Variants in TRIM5 observed in about 807,000 individuals in gnomAD.
TRIM5 encodes tripartite motif-containing protein 5.
TRIM5 carries 31 observed loss-of-function variants against 35.6 expected under a neutral mutation model. The observed-to-expected ratio is 0.87, with a 90% CI of 0.65 to 1.18. The LOEUF (loss-of-function observed/expected upper bound fraction) is 1.18, where lower values mean the gene tolerates loss of function less well. Ranked by LOEUF, TRIM5 falls within the 50% of genes most tolerant of loss-of-function variation. The pLI is 0.00. For synonymous variants in TRIM5, 243 were observed against 215.6 expected (o/e 1.13, Z -1.11); for missense variants, 609 against 591.6 (o/e 1.03, Z -0.31).
the TRIM5 span, among the ~76,000 whole-genome samples, chr11:5,591,899 G>A: frequency 6.6e-6 from 1 of 152,140 alleles, no homozygotes; most frequent in African/African-American, 2.4e-5. Flanking sequence ...TAGCCCCGGG[G>A]GGCTGTGGCA....
the TRIM5 span, among the ~76,000 whole-genome samples, chr11:5,605,797 A>G: frequency 6.6e-6 from 1 of 152,250 alleles, no homozygotes; most frequent in Non-Finnish European, 1.5e-5. Flanking sequence ...AGGGTTGTCT[A>G]AAAGTTTATT....
In TRIM5 at chr11:5,678,335, T is replaced by C; in HGVS notation, c.613A>G (p.Lys205Glu). The change falls in exon 4 of 8, where the codon AAG (lysine) becomes GAG (glutamate). Residue 205 changes from lysine (K) to glutamate (E), a missense_variant. Coordinates refer to ENST00000380034, the MANE Select transcript of TRIM5 (RefSeq NM_033034.3). ...EESNELQNLE[K>E]EEEDILKSLT... is the part of the protein sequence containing the mutation. ...CTTTTCAGAATGTCTTCCTCCTCCT[T>C]CTCCAGGTTTTGCAGCTCATTGCTC... 1 of 1,613,948 alleles carries C rather than the reference T, an allele frequency of 6.2e-7. No homozygotes were observed. The highest frequency in any genetic ancestry group is 8.5e-7 in the Non-Finnish European group (1 of 1,179,892).
the TRIM5 span, among the ~76,000 whole-genome samples, chr11:5,657,769 C>G: frequency 7.0e-6 from 1 of 142,562 alleles, no homozygotes; most frequent in African/African-American, 2.6e-5. Context: ...GCCTGCACCA[C>G]CATGCCCGGC....
the TRIM5 span, among the ~76,000 whole-genome samples, chr11:5,606,929 C>T: frequency 6.6e-6 from 1 of 152,132 alleles, no homozygotes; most frequent in African/African-American, 2.4e-5. Context: ...CAAGGCCGAG[C>T]GCGGTGGCTC....
At chr11:5,627,650 T>C in the TRIM5 span, among the ~76,000 whole-genome samples, 1 of 152,148 alleles carries the variant, frequency 6.6e-6, no homozygotes, top group African/African-American at 2.4e-5. Context: ...TAATGTGGTA[T>C]AGATTGGGCC....
the TRIM5 span, among the ~76,000 whole-genome samples, chr11:5,599,513 C>T: frequency 2.6e-5 from 4 of 152,102 alleles, no homozygotes; most frequent in East Asian, 1.9e-4. Context: ...ACGCCATTCT[C>T]CTGCCTCAGC....
chr11:5,591,631 A>G, the TRIM5 span, among the ~76,000 whole-genome samples: 2 of 151,854 alleles, frequency 1.3e-5, no homozygotes, highest in Non-Finnish European at 2.9e-5. Flanking sequence ...CTGGGCAAAA[A>G]GGGCAAAAAC....
chr11:5,679,156 G>A lies in TRIM5; in HGVS notation c.431C>T (p.Ala144Val). ...CTTCTGCCTCAGCATCTCCAGAGCT[G>A]CCTGGAGCTTCACCTGTGAGAAAGG... is the stretch of plus-strand genomic sequence containing the variant. ...VAREYQVKLQ[A>V]ALEMLRQKQQ... is the part of the protein sequence containing the mutation. Residue 144 changes from alanine to valine, a missense_variant, in exon 3 of 8, where the codon GCA (alanine) becomes GTA (valine). By Grantham distance (64) the Ala-to-Val change is moderately conservative. Transcript: ENST00000380034. The A allele has an allele frequency of 6.2e-7, 1 of 1,613,830 alleles. No homozygotes were observed. The highest frequency in any genetic ancestry group is 1.7e-4 in the Middle Eastern group (1 of 6,060).
the TRIM5 span, among the ~76,000 whole-genome samples, chr11:5,622,944 T>C: frequency 2.6e-5 from 4 of 152,156 alleles, no homozygotes; most frequent in African/African-American, 9.7e-5. Context: ...CATCAATCAA[T>C]ATATGTCCGC....
chr11:5,681,228 C>T (rs1349973284), intron 1 of TRIM5, among the ~76,000 whole-genome samples: 1 of 152,100 alleles, frequency 6.6e-6, no homozygotes, highest in Non-Finnish European at 1.5e-5. Flanking sequence ...ATTCTGTTCC[C>T]GGAACAAACG....
At chr11:5,655,192 T>TAA in the TRIM5 span, among the ~76,000 whole-genome samples, 3 of 118,086 alleles carry the variant, frequency 2.5e-5, no homozygotes, top group Non-Finnish European at 3.6e-5. Context: ...AAACTCCGTC[T>TAA]AAAAAAAAAA....
At position 5,665,142 on chromosome 11, in the gene TRIM5, T is replaced by C; in HGVS notation, c.1149A>G (p.Ala383=). Reference sequence around the variant, plus strand: ...TTTCATTTTTTTCAATATTACACATTGCATCAGGTTGGAAGCCAGCACATA... The same window carrying C: ...TTTCATTTTTTTCAATATTACACATCGCATCAGGTTGGAAGCCAGCACATA... The part of the protein sequence containing the change: ...LGVCAGFQPD[A]MCNIEKNENY... The change falls in exon 8 of 8, where the codon GCA becomes GCG. Residue 383 remains alanine, a synonymous_variant. Coordinates refer to ENST00000380034, the MANE Select transcript of TRIM5 (RefSeq NM_033034.3). 1.2e-6 allele frequency: 2 copies of C among 1,614,084 alleles called. No individual in the cohort carries two copies. The highest frequency in any genetic ancestry group is 1.7e-6 in the Non-Finnish European group (2 of 1,179,994).
the TRIM5 span, among the ~76,000 whole-genome samples, chr11:5,650,277 G>GCCATTGC: frequency 6.6e-6 from 1 of 152,134 alleles, no homozygotes; most frequent in Admixed American, 6.5e-5. Context: ...CAAACCATTG[G>GCCATTGC]CCATTGCCCG....
chr11:5,645,906 G>GAT, the TRIM5 span: 5 of 129,604 alleles, frequency 3.9e-5, no homozygotes, highest in East Asian at 6.0e-4. Context: ...TCTATATATA[G>GAT]ATATATATAG....
intron 4 of TRIM5, among the ~76,000 whole-genome samples, chr11:5,677,773 A>T (rs1336775458): frequency 6.6e-6 from 1 of 152,246 alleles, no homozygotes; most frequent in Admixed American, 6.5e-5. Context: ...AAATGATAGC[A>T]GTTATTTAAT....
At chr11:5,678,568 CTG>C in intron 3 of TRIM5, 134 bp from the exon 4 acceptor site, 1 of 654,096 alleles carries the variant, frequency 1.5e-6, no homozygotes, top group Non-Finnish European at 2.5e-6. Context: ...CTTAGGAAAG[CTG>C]CCTTTTCCTA....
the TRIM5 span, chr11:5,645,963 A>G: frequency 6.4e-6 from 1 of 155,860 alleles, no homozygotes; most frequent in Non-Finnish European, 1.3e-5. Context: ...GTATATTAAT[A>G]TGTGTATGTA....
intron 4 of TRIM5, among the ~76,000 whole-genome samples, chr11:5,671,296 A>AG (rs1851569354): frequency 1.5e-5 from 1 of 64,534 alleles, no homozygotes; most frequent in African/African-American, 4.8e-5. Context: ...ACCACAGCTC[A>AG]GGGGGATTAA....
rs1850912601 is a variant in TRIM5, at chr11:5,663,583, T to C, written c.*1226A>G. 1.0e-6 allele frequency: 1 copy of C among 967,748 alleles called. No individual in the cohort carries two copies. The highest frequency in any genetic ancestry group is 1.2e-6 in the Non-Finnish European group (1 of 813,700). 59.9% of individuals were successfully genotyped at this position (967,748 alleles called of 1,614,324 possible). On this transcript the variant is annotated 3_prime_UTR_variant, in exon 8 of 8. Coordinates refer to ENST00000380034, the MANE Select transcript of TRIM5 (RefSeq NM_033034.3). ...AGATGCTTTATACTTCAGGAATTTA[T>C]TTTTTCACAATGATCCAAAGTATTA... is the stretch of plus-strand genomic sequence containing the variant.
Sources: allele counts gnomAD v4.1 joint callset (sites outside exome capture counted in the v4.1 genomes callset), GRCh38; gene constraint gnomAD v4.1.1; transcripts MANE v1.5; gene names NCBI Gene and HGNC (gene_info 2026-07-23, HGNC 2026-07-21).